The following RHNO1 variants were observed in gnomAD, a reference collection of about 807,000 sequenced individuals.
RHNO1 encodes the protein RAD9, HUS1, RAD1-interacting nuclear orphan protein 1.
In RHNO1, 9 loss-of-function variants were observed where a neutral mutation model predicts 7.2. The observed-to-expected ratio is 1.25, with a 90% CI of 0.75 to 2.18. The LOEUF (loss-of-function observed/expected upper bound fraction) is 2.18. Among genes scored for constraint, RHNO1 ranks in the 30% most tolerant of loss-of-function variants. The pLI is 0.00. For synonymous variants in RHNO1, 95 were observed against 107.5 expected (o/e 0.88, Z 0.72); for missense variants, 292 against 284.5 (o/e 1.03, Z -0.19).
intron 1 of RHNO1, 171 bp from the exon 2 acceptor site, chr12:2,885,112 C>T (rs1218255554): frequency 2.6e-5 from 11 of 430,994 alleles, no homozygotes; most frequent in African/African-American, 1.2e-4. Flanking sequence ...AATAAATGTT[C>T]GTTAGATGAA....
intron 1 of RHNO1, among the ~76,000 whole-genome samples, chr12:2,878,444 G>A (rs1008455420): frequency 2.6e-5 from 4 of 152,046 alleles, no homozygotes; most frequent in Non-Finnish European, 5.9e-5. Flanking sequence ...GACCTGAATG[G>A]AGTGTGGTGT....
At position 2,888,314 on chromosome 12, in the gene RHNO1, G is replaced by A; in HGVS notation, c.572G>A (p.Ser191Asn). Residue 191 changes from serine (S) to asparagine (N), a missense_variant, in exon 3 of 3, where the codon AGC becomes AAC. Coordinates refer to ENST00000489288, the MANE Select transcript of RHNO1 (RefSeq NM_001252499.3). ...SCTLHTGTPN[S>N]PEPGPVLVKD... Reference sequence around the variant, plus strand: ...ACTCTTCACACTGGCACTCCTAATAGCCCAGAGCCTGGACCTGTTCTGGTT... The same window carrying A: ...ACTCTTCACACTGGCACTCCTAATAACCCAGAGCCTGGACCTGTTCTGGTT... The A allele has an allele frequency of 6.2e-7, 1 of 1,614,088 alleles. No individual in the cohort carries two copies. The highest frequency in any genetic ancestry group is 8.5e-7 in the Non-Finnish European group (1 of 1,180,030).
chr12:2,883,490 T>C (rs2098160996), intron 1 of RHNO1, among the ~76,000 whole-genome samples: 1 of 19,778 alleles, frequency 5.1e-5, no homozygotes, highest in Non-Finnish European at 9.1e-5. Flanking sequence ...TATATATATA[T>C]ATATATATAT....
At chr12:2,880,868 GCCTCAAGCAGT>G (rs1424678213) in intron 1 of RHNO1, among the ~76,000 whole-genome samples, 1 of 151,422 alleles carries the variant, frequency 6.6e-6, no homozygotes, top group Non-Finnish European at 1.5e-5. Context: ...TGAACTCCTG[GCCTCAAGCAGT>G]CCTCCCATCT....
Position 2,889,162 on chromosome 12 carries a change from C to T in RHNO1, c.*703C>T, listed in dbSNP as rs1441630700. On this transcript the variant is annotated 3_prime_UTR_variant, in exon 3 of 3. Transcript: ENST00000489288. ...GATGGAAAAAAATCAAACTCTGTGA[C>T]TCTATGGTTGACTGCCACCTCTGCA... 1 of 149,058 alleles carries T rather than the reference C, an allele frequency of 6.7e-6. No homozygotes were observed. The highest frequency in any genetic ancestry group is 2.6e-5 in the African/African-American group (1 of 38,564). The allele number at this position is 149,058 out of a possible 1,614,324, so 9.2% of individuals were successfully genotyped here.
At position 2,888,632 on chromosome 12, in the gene RHNO1, A is replaced by G; in HGVS notation, c.*173A>G. The G allele has an allele frequency of 2.0e-6, 1 of 490,184 alleles. No individual in the cohort carries two copies. Among genetic ancestry groups the G allele is most frequent in the East Asian group, 3.2e-5 (1 of 31,404 alleles). The allele number at this position is 490,184 out of a possible 1,614,324, so 30.4% of individuals were successfully genotyped here. On this transcript the variant is annotated 3_prime_UTR_variant, in exon 3 of 3. Coordinates refer to ENST00000489288, the MANE Select transcript of RHNO1 (RefSeq NM_001252499.3). ...AACCACCACTTCCTGGGTTCAAGCG[A>G]TTCTCCTGCCTCAGCCTCCCCAGTA...
chr12:2,887,247 G>A, intron 2 of RHNO1: 1 of 240,536 alleles, frequency 4.2e-6, no homozygotes. Context: ...GAAGGCCGGG[G>A]TGGGTGGATC....
intron 1 of RHNO1, among the ~76,000 whole-genome samples, chr12:2,877,489 C>T (rs1027827507): frequency 7.2e-5 from 11 of 152,240 alleles, no homozygotes; most frequent in African/African-American, 2.4e-4. Flanking sequence ...CCTCAGGCTC[C>T]TCTGCTCCCC....
chr12:2,880,884 C>T (rs2098156680), intron 1 of RHNO1, among the ~76,000 whole-genome samples: 1 of 151,758 alleles, frequency 6.6e-6, no homozygotes, highest in South Asian at 2.1e-4. Context: ...AGCAGTCCTC[C>T]CATCTCAGCC....
chr12:2,883,564 C>T (rs186469241), intron 1 of RHNO1, among the ~76,000 whole-genome samples: 1,591 of 125,092 alleles, frequency 0.013, 33 homozygotes, highest in African/African-American at 0.045. Flanking sequence ...GTTGCCCAGG[C>T]TGGAGTGCAA....
At position 2,885,399 on chromosome 12, in the gene RHNO1, C is replaced by T. The variant is rs1446141206; in HGVS notation, c.33C>T (p.Ser11=). 1 of 1,613,510 alleles carries T rather than the reference C, an allele frequency of 6.2e-7. No homozygotes were observed. Among genetic ancestry groups the T allele is most frequent in the Non-Finnish European group, 8.5e-7 (1 of 1,179,908 alleles). The part of the protein sequence containing the change: MPPRKKRRQP[S]QKAPLLFHQQ... ...CCAGAAAAAAACGCCGCCAGCCTTC[C>T]CAGAAAGCCCCGCTGCTGTTCCACC... The change falls in exon 2 of 3, where the codon TCC becomes TCT. Residue 11 remains serine (S), a synonymous_variant. Transcript: ENST00000489288.
At chr12:2,885,695 C>G (rs1191911779) in intron 2 of RHNO1, 161 bp downstream of exon 2, 1 of 590,320 alleles carries the variant, frequency 1.7e-6, no homozygotes, top group Admixed American at 3.7e-5. Flanking sequence ...CTGCCTCAGC[C>G]TCCCGAGGAG....
chr12:2,887,965 C>T lies in RHNO1; in HGVS notation c.223C>T (p.His75Tyr). The T allele has an allele frequency of 1.2e-6, 2 of 1,612,054 alleles. No individual in the cohort carries two copies. Among genetic ancestry groups the T allele is most frequent in the Non-Finnish European group, 1.7e-6 (2 of 1,179,230 alleles). ...AGSLFPAYQKHQNRARHSSRK... is the reference protein window; with the variant it reads ...AGSLFPAYQKYQNRARHSSRK... The stretch of plus-strand genomic sequence containing the variant: ...AAGCTTGTTCCCAGCCTACCAGAAA[C>T]ACCAAAACCGGGCGAGACACTCAAG... The change falls in exon 3 of 3, where the codon CAC becomes TAC. Residue 75 changes from histidine (H) to tyrosine (Y), a missense_variant. Physicochemically the swap from His to Tyr is moderately conservative, Grantham distance 83 (BLOSUM62 2). Coordinates refer to ENST00000489288, the MANE Select transcript of RHNO1 (RefSeq NM_001252499.3).
At chr12:2,879,690 A>G (rs1192163237) in intron 1 of RHNO1, among the ~76,000 whole-genome samples, 1 of 151,704 alleles carries the variant, frequency 6.6e-6, no homozygotes, top group African/African-American at 2.4e-5. Flanking sequence ...TCAGGTAGGT[A>G]ATGGGATATT....
chr12:2,883,443 A>G (rs2098160806), intron 1 of RHNO1, among the ~76,000 whole-genome samples: 1 of 139,432 alleles, frequency 7.2e-6, no homozygotes, highest in African/African-American at 2.6e-5. Flanking sequence ...AAGAATTTAT[A>G]TATTTGTTTA....
chr12:2,881,912 AAAAAG>A (rs1484041451), intron 1 of RHNO1, among the ~76,000 whole-genome samples: 2 of 151,898 alleles, frequency 1.3e-5, no homozygotes, highest in Admixed American at 6.6e-5. Context: ...CAAAAAAAAA[AAAAAG>A]AAAGAAAAAA....
intron 2 of RHNO1, chr12:2,885,858 A>G (rs2098165009): frequency 5.7e-6 from 1 of 173,996 alleles, no homozygotes; most frequent in African/African-American, 2.4e-5. Context: ...TATAGGCGTG[A>G]ACCACCGCGC....
Position 2,888,567 on chromosome 12 carries a change from GC to G in RHNO1, c.*111del. On this transcript the variant is annotated 3_prime_UTR_variant, in exon 3 of 3. Coordinates refer to ENST00000489288, the MANE Select transcript of RHNO1 (RefSeq NM_001252499.3). The stretch of plus-strand genomic sequence containing the variant: ...TTTTGAGATGTAATATTGCTCTGTT[GC>G]CCAGGCTGGAGTGCAGTGGTATGAT... 2 of 1,000,274 alleles carry G rather than the reference GC, an allele frequency of 2.0e-6. No individual in the cohort carries two copies. Among genetic ancestry groups the G allele is most frequent in the Non-Finnish European group, 2.8e-6 (2 of 707,014 alleles). The allele number at this position is 1,000,274 out of a possible 1,614,324, so 62.0% of individuals were successfully genotyped here.
At chr12:2,878,434 G>T (rs940278157) in intron 1 of RHNO1, among the ~76,000 whole-genome samples, 1 of 151,962 alleles carries the variant, frequency 6.6e-6, no homozygotes, top group African/African-American at 2.4e-5. Context: ...TGAGCTAATC[G>T]ACCTGAATGG....
Sources: allele counts gnomAD v4.1 joint callset (sites outside exome capture counted in the v4.1 genomes callset), GRCh38; gene constraint gnomAD v4.1.1; transcripts MANE v1.5; gene names NCBI Gene and HGNC (gene_info 2026-07-23, HGNC 2026-07-21).